The following SNTG1 variants were observed in gnomAD, a reference collection of about 807,000 sequenced individuals.
SNTG1 encodes the protein syntrophin gamma 1.
A neutral mutation model predicts 74.7 loss-of-function variants in SNTG1; 39 were observed. That is an observed-to-expected ratio of 0.52 (90% CI 0.40 to 0.68). The LOEUF (loss-of-function observed/expected upper bound fraction) is 0.68, where lower values mean the gene tolerates loss of function less well. Among genes scored for constraint, SNTG1 ranks in the 30% least tolerant of loss-of-function variants. SNTG1 has a pLI of 0.00. For synonymous variants in SNTG1, 254 were observed against 217.1 expected (o/e 1.17, Z -1.49); for missense variants, 685 against 609.5 (o/e 1.12, Z -1.30).
chr8:50,353,647 G>A (rs1375942), intron 2 of SNTG1, among the ~76,000 whole-genome samples: 53,916 of 152,008 alleles, frequency 0.35, 9,701 homozygotes, highest in South Asian at 0.44. Context: ...ATTTATTTGA[G>A]CTACGTTGAG....
intron 1 of SNTG1, among the ~76,000 whole-genome samples, chr8:49,986,804 C>T (rs2130241293): frequency 6.6e-6 from 1 of 151,952 alleles, no homozygotes; most frequent in African/African-American, 2.4e-5. Context: ...TCACATGAAC[C>T]CAGGAAGTCA....
intron 12 of SNTG1, among the ~76,000 whole-genome samples, chr8:50,555,192 A>G (rs2094448918): frequency 6.6e-6 from 1 of 152,064 alleles, no homozygotes; most frequent in Non-Finnish European, 1.5e-5. Flanking sequence ...ATTCCCCTAT[A>G]CTACTGTTTT....
intron 1 of SNTG1, among the ~76,000 whole-genome samples, chr8:50,050,673 A>G (rs2130874523): frequency 6.6e-6 from 1 of 152,042 alleles, no homozygotes; most frequent in East Asian, 1.9e-4. Context: ...GGGAGCACAT[A>G]AAAACTCATT....
chr8:50,659,072 A>C (rs548675853), intron 15 of SNTG1, among the ~76,000 whole-genome samples: 1 of 152,178 alleles, frequency 6.6e-6, no homozygotes, highest in African/African-American at 2.4e-5. Flanking sequence ...GGAATTAGAA[A>C]ATATAGAAAA....
At chr8:50,701,054 G>C (rs1167933174) in intron 15 of SNTG1, among the ~76,000 whole-genome samples, 1 of 152,082 alleles carries the variant, frequency 6.6e-6, no homozygotes, top group Non-Finnish European at 1.5e-5. Context: ...TCCATTTTAA[G>C]ATCCTATTGC....
chr8:50,232,674 T>C (rs938366304), intron 2 of SNTG1, among the ~76,000 whole-genome samples: 1 of 151,382 alleles, frequency 6.6e-6, no homozygotes. Context: ...ATCACCTACA[T>C]AGAAAATCTT....
At chr8:50,002,714 C>T (rs373405785) in intron 1 of SNTG1, among the ~76,000 whole-genome samples, 25 of 151,876 alleles carry the variant, frequency 1.6e-4, no homozygotes, top group East Asian at 7.7e-4. Context: ...TAAAAGTTAC[C>T]CTATGATGAT....
chr8:49,973,940 A>G (rs1811954186), intron 1 of SNTG1, among the ~76,000 whole-genome samples: 2 of 152,190 alleles, frequency 1.3e-5, no homozygotes. Flanking sequence ...TAAGAATTCT[A>G]CCTTCTTAGT....
chr8:50,441,364 T>G (rs2093356111), intron 5 of SNTG1, among the ~76,000 whole-genome samples: 1 of 152,096 alleles, frequency 6.6e-6, no homozygotes, highest in Non-Finnish European at 1.5e-5. Flanking sequence ...TATAAGACAT[T>G]GTACAAACTT....
chr8:50,642,476 G>C (rs574361201), intron 13 of SNTG1, among the ~76,000 whole-genome samples: 1 of 152,084 alleles, frequency 6.6e-6, no homozygotes, highest in African/African-American at 2.4e-5. Flanking sequence ...GCAACTGAAG[G>C]CACATTCCAT....
intron 12 of SNTG1, among the ~76,000 whole-genome samples, chr8:50,565,104 G>A (rs904634296): frequency 6.6e-6 from 1 of 152,016 alleles, no homozygotes; most frequent in Admixed American, 6.6e-5. Flanking sequence ...ATCATGGAAA[G>A]ATAGTGGACA....
At chr8:50,737,833 G>T (rs1377268693) in intron 17 of SNTG1, among the ~76,000 whole-genome samples, 1 of 152,088 alleles carries the variant, frequency 6.6e-6, no homozygotes, top group Non-Finnish European at 1.5e-5. Context: ...AGTAGATGCA[G>T]AAAAGGCCTT....
At chr8:50,467,746 C>G (rs1161901240) in intron 8 of SNTG1, among the ~76,000 whole-genome samples, 1 of 151,710 alleles carries the variant, frequency 6.6e-6, no homozygotes, top group Non-Finnish European at 1.5e-5. Context: ...TGATTTTAAC[C>G]TTCTTTACTA....
At chr8:50,409,333 C>T (rs1309058435) in intron 4 of SNTG1, among the ~76,000 whole-genome samples, 1 of 152,158 alleles carries the variant, frequency 6.6e-6, no homozygotes, top group Non-Finnish European at 1.5e-5. Context: ...CAAAATACTG[C>T]TTTCCCCCAG....
intron 11 of SNTG1, among the ~76,000 whole-genome samples, chr8:50,542,620 G>T (rs1290587374): frequency 6.6e-6 from 1 of 152,102 alleles, no homozygotes; most frequent in Admixed American, 6.6e-5. Flanking sequence ...TAATGAAATT[G>T]CTGGATCGTG....
chr8:50,091,174 T>G (rs1399047143), intron 1 of SNTG1, among the ~76,000 whole-genome samples: 1 of 152,124 alleles, frequency 6.6e-6, no homozygotes, highest in African/African-American at 2.4e-5. Context: ...TTTTTCTTAT[T>G]TATATTTAAG....
rs541580301 is a variant in SNTG1 at position 49,996,773 on chromosome 8, G to A, written c.-103+84542G>A. Among the ~76,000 whole-genome samples, 88 of 151,900 alleles carry A rather than the reference G, an allele frequency of 5.8e-4. 1 individual carries two copies. Among genetic ancestry groups the A allele is most frequent in the African/African-American group, 2.0e-3 (83 of 41,424 alleles). On this transcript the variant is annotated intron_variant, in intron 1 of 18. Transcript: ENST00000642720. ...ACAGACCTTGAATTTTTAACATCCC[G>A]GACCTTCATATTAACAAGGAACTAA...
At chr8:50,571,837 A>G (rs1313635350) in intron 12 of SNTG1, among the ~76,000 whole-genome samples, 5 of 152,182 alleles carry the variant, frequency 3.3e-5, no homozygotes, top group African/African-American at 1.2e-4. Context: ...GGCCATTAGA[A>G]AATTACAAAA....
intron 1 of SNTG1, among the ~76,000 whole-genome samples, chr8:49,918,011 C>T (rs1025072097): frequency 6.6e-6 from 1 of 152,104 alleles, no homozygotes; most frequent in Non-Finnish European, 1.5e-5. Flanking sequence ...TGCTAGATTC[C>T]ACACATAGCT....
Sources: gnomAD v4.1 joint callset for allele counts (sites outside exome capture counted in the v4.1 genomes callset) on GRCh38, gnomAD v4.1.1 for gene constraint, MANE v1.5 for transcripts, NCBI Gene and HGNC (gene_info 2026-07-23, HGNC 2026-07-21) for gene names.